Variants in ACACA observed in about 807,000 individuals in gnomAD.
The protein encoded by ACACA is acetyl-CoA carboxylase 1.
Under a neutral mutation model 296.1 loss-of-function variants are expected in ACACA, and 103 were observed. That is an observed-to-expected ratio of 0.35 (90% CI 0.30 to 0.41). The LOEUF (loss-of-function observed/expected upper bound fraction) is 0.41. Ranked by LOEUF, ACACA falls within the 10% of genes least tolerant of loss-of-function variation. The pLI, the probability that ACACA is intolerant of heterozygous loss-of-function variation, is 1.00. For synonymous variants in ACACA, 953 were observed against 1,038.6 expected, an observed-to-expected ratio of 0.92 and a Z score of 1.58; for missense variants, 1,554 against 2,989.7, an observed-to-expected ratio of 0.52 and a Z score of 11.20.
chr17:37,169,006 C>A (rs577496172), intron 41 of ACACA, among the ~76,000 whole-genome samples: 1 of 152,256 alleles, frequency 6.6e-6, no homozygotes, highest in African/African-American at 2.4e-5. Flanking sequence ...AACCTTTCAT[C>A]TTGAAGAGGG....
intron 1 of ACACA, among the ~76,000 whole-genome samples, chr17:37,390,196 AAT>A (rs1260287477): frequency 2.7e-5 from 2 of 73,014 alleles, no homozygotes; most frequent in Non-Finnish European, 4.8e-5. Context: ...ATTATATATA[AAT>A]ATATATAATT....
chr17:37,103,804 A>AGGTGGGAGGAT (rs2073505525), intron 52 of ACACA, among the ~76,000 whole-genome samples: 1 of 152,132 alleles, frequency 6.6e-6, no homozygotes, highest in Non-Finnish European at 1.5e-5. Flanking sequence ...TGGGAAGCCA[A>AGGTGGGAGGAT]GGTGGGAGGA....
Position 37,342,179 on chromosome 17 carries a change from C to G in ACACA, c.39-2329G>C, listed in dbSNP as rs201823649. Among the ~76,000 whole-genome samples the G allele has an allele frequency of 9.9e-5, 15 of 151,438 alleles. No individual in the cohort carries two copies. The East Asian group carries it at 2.9e-3, about 29-fold the overall frequency. On this transcript the variant is annotated intron_variant, in intron 1 of 55. Coordinates refer to ENST00000616317, the MANE Select transcript of ACACA (RefSeq NM_198834.3). Reference sequence around the variant, plus strand: ...ATCCCAGCACTTTGGGAGATGAAGACGGGCAGATCACTTAAGGTTCGGAGT... The same window carrying G: ...ATCCCAGCACTTTGGGAGATGAAGAGGGGCAGATCACTTAAGGTTCGGAGT...
At chr17:37,284,799 A>T in intron 4 of ACACA, 39 bp downstream of exon 4, 1 of 1,613,792 alleles carries the variant, frequency 6.2e-7, no homozygotes, top group Non-Finnish European at 8.5e-7. Context: ...TTAAATCCTA[A>T]GTGCTTTTGA....
chr17:37,312,707 A>G (rs2084215802), intron 3 of ACACA, among the ~76,000 whole-genome samples: 1 of 152,206 alleles, frequency 6.6e-6, no homozygotes, highest in Admixed American at 6.6e-5. Flanking sequence ...GAACACCTAC[A>G]TAAAGTCAGT....
chr17:37,181,761 G>C (rs1038825771), intron 39 of ACACA, among the ~76,000 whole-genome samples: 1 of 151,682 alleles, frequency 6.6e-6, no homozygotes, highest in African/African-American at 2.4e-5. Flanking sequence ...TTAGCTGGGC[G>C]TGGTGGTGGG....
intron 39 of ACACA, among the ~76,000 whole-genome samples, chr17:37,184,549 C>T (rs552511007): frequency 1.6e-4 from 24 of 152,152 alleles, no homozygotes; most frequent in African/African-American, 3.9e-4. Context: ...GTAAAAATTT[C>T]GATAAATCCA....
intron 2 of ACACA, among the ~76,000 whole-genome samples, chr17:37,337,321 T>C (rs371662505): frequency 6.7e-6 from 1 of 148,276 alleles, no homozygotes; most frequent in Non-Finnish European, 1.5e-5. Context: ...GAGGCTGAGG[T>C]GGGAGAATCG....
intron 29 of ACACA, among the ~76,000 whole-genome samples, chr17:37,217,617 C>G (rs1681522624): frequency 6.6e-6 from 1 of 151,498 alleles, no homozygotes; most frequent in African/African-American, 2.4e-5. Context: ...CACCTGTAGT[C>G]CCAGCTACTC....
chr17:37,092,540 A>G (rs1220271092), intron 54 of ACACA, among the ~76,000 whole-genome samples: 1 of 152,226 alleles, frequency 6.6e-6, no homozygotes, highest in Non-Finnish European at 1.5e-5. Flanking sequence ...CAGCCTCACT[A>G]ATTTTATGTA....
chr17:37,250,382 C>CT (rs1419618662), intron 16 of ACACA, among the ~76,000 whole-genome samples: 1 of 152,064 alleles, frequency 6.6e-6, no homozygotes, highest in African/African-American at 2.4e-5. Context: ...GCTCACGCCT[C>CT]TAATTCCAGC....
At chr17:37,090,379 T>C (rs1418573840) in intron 54 of ACACA, among the ~76,000 whole-genome samples, 3 of 152,192 alleles carry the variant, frequency 2.0e-5, no homozygotes, top group Non-Finnish European at 4.4e-5. Flanking sequence ...CTCCTTTACA[T>C]TGGAAAGATG....
intron 54 of ACACA, among the ~76,000 whole-genome samples, chr17:37,092,542 T>C (rs1373332976): frequency 1.3e-5 from 2 of 152,224 alleles, no homozygotes; most frequent in African/African-American, 4.8e-5. Context: ...GCCTCACTAA[T>C]TTTATGTAGT....
At chr17:37,268,840 G>A (rs117872364) in intron 10 of ACACA, among the ~76,000 whole-genome samples, 1,885 of 147,622 alleles carry the variant, frequency 0.013, 23 homozygotes, top group East Asian at 0.046. Flanking sequence ...TGAAACTTAA[G>A]GACTTTCACA....
intron 1 of ACACA, among the ~76,000 whole-genome samples, chr17:37,354,697 G>T (rs991990575): frequency 6.6e-6 from 1 of 152,098 alleles, no homozygotes; most frequent in African/African-American, 2.4e-5. Context: ...GGCTGAAGTC[G>T]GAGGATCACT....
chr17:37,303,670 C>G (rs147961586), intron 3 of ACACA, among the ~76,000 whole-genome samples: 3,639 of 152,220 alleles, frequency 0.024, 134 homozygotes, highest in African/African-American at 0.083. Flanking sequence ...CCGGCCTGGC[C>G]CACATGGTGA....
At chr17:37,279,436 C>T (rs1034003566) in intron 5 of ACACA, among the ~76,000 whole-genome samples, 4 of 152,004 alleles carry the variant, frequency 2.6e-5, no homozygotes, top group Admixed American at 6.6e-5. Context: ...AGATGGAGAC[C>T]ATCCTGGCTA....
At chr17:37,178,117 TC>T (rs1214611944) in intron 41 of ACACA, among the ~76,000 whole-genome samples, 3 of 152,206 alleles carry the variant, frequency 2.0e-5, no homozygotes, top group Non-Finnish European at 2.9e-5. Flanking sequence ...AATAAAAATA[TC>T]TCTCTTTTTA....
In ACACA at chr17:37,086,769, G is replaced by A. The variant is rs569265548; in HGVS notation, c.*547C>T. On this transcript the variant is annotated 3_prime_UTR_variant, in exon 56 of 56. Transcript: ENST00000616317. Reference sequence around the variant, plus strand: ...CTAATTTTTCTTCATAAAAGGTACCGTAGTGTGGTTAAACTGGGAATCATT... The same window carrying A: ...CTAATTTTTCTTCATAAAAGGTACCATAGTGTGGTTAAACTGGGAATCATT... 7.7e-5 allele frequency: 13 copies of A among 169,200 alleles called. 1 individual carries two copies. The South Asian group carries it at 1.7e-3, about 22-fold the overall frequency. The allele number at this position is 169,200 out of a possible 1,614,324, so 10.5% of individuals were successfully genotyped here.
Sources: gnomAD v4.1 joint callset for allele counts (sites outside exome capture counted in the v4.1 genomes callset) on GRCh38, gnomAD v4.1.1 for gene constraint, MANE v1.5 for transcripts, NCBI Gene and HGNC (gene_info 2026-07-23, HGNC 2026-07-21) for gene names.